The following ZNF343 variants were observed in gnomAD, a reference collection of about 807,000 sequenced individuals.
ZNF343 encodes zinc finger protein 343.
In ZNF343, 11 loss-of-function variants were observed where a neutral mutation model predicts 13.8. The observed-to-expected ratio is 0.80, with a 90% CI of 0.50 to 1.32. ZNF343 has a LOEUF of 1.32. ZNF343 is among the 40% of genes most tolerant of loss of function. The probability of loss-of-function intolerance (pLI) is 0.00; values close to 1 mark genes in which losing one functional copy is unlikely to be tolerated. For missense variants in ZNF343, 658 were observed against 714.2 expected, an observed-to-expected ratio of 0.92 and a Z score of 0.90; for synonymous variants, 248 against 260.0, an observed-to-expected ratio of 0.95 and a Z score of 0.44.
At chr20:2,523,677 C>CTTTTTTTT (rs3051730) in intron 1 of ZNF343, among the ~76,000 whole-genome samples, 6 of 102,794 alleles carry the variant, frequency 5.8e-5, no homozygotes, top group African/African-American at 1.9e-4. Flanking sequence ...GCTATGTGTA[C>CTTTTTTTT]TTTTTTTTTT....
intron 5 of ZNF343, among the ~76,000 whole-genome samples, chr20:2,489,798 C>G (rs1164058991): frequency 6.6e-6 from 1 of 152,058 alleles, no homozygotes; most frequent in Non-Finnish European, 1.5e-5. Flanking sequence ...AGAATTGGCC[C>G]ATTATTTCTA....
In ZNF343 at chr20:2,516,766, A is replaced by T. The variant is rs1183221421; in HGVS notation, c.-347+7689T>A. On this transcript the variant is annotated intron_variant, in intron 1 of 6. Transcript: ENST00000358413. ...AGGTCCAGTGTATGAGGCTTAGGTC[A>T]GGTTTAAGGCAAGGGTTGGGATAAG... Among the ~76,000 whole-genome samples the T allele has an allele frequency of 2.6e-5, 4 of 152,208 alleles. No individual in the cohort carries two copies. In the East Asian group the frequency reaches 5.8e-4, roughly 22 times the overall value.
At chr20:2,489,548 C>T (rs1173296243) in intron 5 of ZNF343, among the ~76,000 whole-genome samples, 1 of 152,172 alleles carries the variant, frequency 6.6e-6, no homozygotes, top group African/African-American at 2.4e-5. Flanking sequence ...GATGTGGTCC[C>T]ATCATTGCTC....
intron 1 of ZNF343, among the ~76,000 whole-genome samples, chr20:2,519,375 G>A (rs759455964): frequency 1.3e-5 from 2 of 152,096 alleles, no homozygotes; most frequent in Admixed American, 6.6e-5. Context: ...CCATGAACCT[G>A]ACCTTCACAC....
At position 2,484,059 on chromosome 20, in the gene ZNF343, TCA is replaced by T. The variant is rs2085236985; in HGVS notation, c.900_901del (p.Ser300ArgfsTer7). ...CTTCTGGCTAAAACCTCGCCCGCAC[TCA>T]CTGCACACATAAGGCTTCTCCATCG... On this transcript the variant is annotated frameshift_variant, in exon 6 of 6. Coordinates refer to ENST00000278772, the MANE Select transcript of ZNF343 (RefSeq NM_024325.6). LOFTEE classifies it low-confidence loss of function (END_TRUNC). 1 of 1,614,118 alleles carries T rather than the reference TCA, an allele frequency of 6.2e-7. No homozygotes were observed. The highest frequency in any genetic ancestry group is 1.7e-5 in the Admixed American group (1 of 60,008).
chr20:2,485,931 G>A (rs562000771), intron 5 of ZNF343, among the ~76,000 whole-genome samples: 3 of 152,262 alleles, frequency 2.0e-5, no homozygotes, highest in South Asian at 2.1e-4. Context: ...CACTCCCTGA[G>A]TCTGTTTGGT....
At chr20:2,494,256 T>C (rs1016217044) in intron 2 of ZNF343, among the ~76,000 whole-genome samples, 1 of 151,976 alleles carries the variant, frequency 6.6e-6, no homozygotes, top group Admixed American at 6.6e-5. Flanking sequence ...CTCCCTTAGC[T>C]CTCAAACTTT....
upstream of ZNF343, among the ~76,000 whole-genome samples, chr20:2,513,710 C>T (rs2085747848): frequency 6.6e-6 from 1 of 152,140 alleles, no homozygotes; most frequent in African/African-American, 2.4e-5. Context: ...TTCAGAATAG[C>T]TGAAAGGTGG....
chr20:2,491,325 AAAT>A (rs2085362365), intron 5 of ZNF343, among the ~76,000 whole-genome samples: 2 of 152,218 alleles, frequency 1.3e-5, no homozygotes, highest in African/African-American at 4.8e-5. Flanking sequence ...TTTCATGTTA[AAAT>A]GATATTTTAA....
rs749730818 is a variant in ZNF343, at chr20:2,484,388, C to T, written c.573G>A (p.Arg191=). 1.2e-6 allele frequency: 2 copies of T among 1,614,182 alleles called. No individual in the cohort carries two copies. The highest frequency in any genetic ancestry group is 1.1e-5 in the South Asian group (1 of 91,088). ...GTCTTTGGAGTGGGCTGGGGAATGC[C>T]CTTGAGGTTTCTCTCTCCTCTGTCC... ...SARTEERETS[R]AFPSPLQRQS... is the part of the protein sequence containing the mutation. The change falls in exon 6 of 6, where the codon AGG becomes AGA. Residue 191 remains arginine (R), a synonymous_variant. Transcript: ENST00000278772.
In ZNF343 at chr20:2,514,799, T is replaced by G. The variant is rs190018502; in HGVS notation, c.-347+9656A>C. ...GAGTTGAAGACCAGCCTGGCTAATA[T>G]GGCGAAACCCCATCTCTACTAAGAA... On this transcript the variant is annotated intron_variant, in intron 1 of 6. Coordinates refer to the ZNF343 transcript ENST00000358413. 7.3e-4 allele frequency among the ~76,000 whole-genome samples: 111 copies of G among 152,200 alleles called. 1 individual carries two copies. Among genetic ancestry groups the G allele is most frequent in the African/African-American group, 2.5e-3 (104 of 41,524 alleles).
chr20:2,514,425 G>A (rs950045293), intron 1 of ZNF343, among the ~76,000 whole-genome samples: 11 of 152,148 alleles, frequency 7.2e-5, no homozygotes, highest in African/African-American at 2.7e-4. Context: ...GGATTCAAAA[G>A]TACTTAAGAT....
intron 2 of ZNF343, among the ~76,000 whole-genome samples, chr20:2,498,634 T>A (rs1176488826): frequency 6.6e-6 from 1 of 152,188 alleles, no homozygotes; most frequent in Non-Finnish European, 1.5e-5. Flanking sequence ...ATATTAACAA[T>A]CCCAGTCCAT....
intron 1 of ZNF343, among the ~76,000 whole-genome samples, chr20:2,516,441 G>A (rs959061452): frequency 6.6e-6 from 1 of 152,134 alleles, no homozygotes; most frequent in African/African-American, 2.4e-5. Flanking sequence ...TTTAGGATCA[G>A]AGTAGGTCCC....
rs757482957 is a variant in ZNF343 at position 2,484,284 on chromosome 20, A to G, written c.677T>C (p.Leu226Pro). 1.9e-6 allele frequency: 3 copies of G among 1,614,098 alleles called. No homozygotes were observed. The African/African-American group carries it at 4.0e-5, about 22-fold the overall frequency. ...TTCTAATTCCTTCAAGCCTTTGTCT[A>G]GCTGCACAGGGTTTGGTCTTTGGGC... ...SSAQRPNPVQ[L>P]DKGLKELETL... The change falls in exon 6 of 6, where the codon CTA becomes CCA. Residue 226 changes from leucine to proline, a missense_variant. Physicochemically the swap from Leu to Pro is moderately conservative, Grantham distance 98 (BLOSUM62 -3). Transcript: ENST00000278772.
rs191990180 is a variant in ZNF343 at position 2,489,327 on chromosome 20, G to A, written c.304+3372C>T. ...TTCCTCCTTGACCTATCAGCCCTAC[G>A]AACACTTATTTCTCAGATTCAACCT... On this transcript the variant is annotated intron_variant, in intron 5 of 5. Transcript: ENST00000278772. 7.9e-5 allele frequency among the ~76,000 whole-genome samples: 12 copies of A among 152,234 alleles called. 1 individual carries two copies. The East Asian group carries it at 1.5e-3, about 20-fold the overall frequency.
rs2085699382 is a variant in ZNF343, at chr20:2,508,259, C to G, written c.-237+622G>C. The stretch of plus-strand genomic sequence containing the variant: ...AGGCCCTCTCAGGATATTTTGACCA[C>G]GTCAAGCTCACCTCCACTTCCAACC... On this transcript the variant is annotated intron_variant, in intron 1 of 5. Transcript: ENST00000278772. The surrounding 1 kb of genome is among the most constrained non-coding windows in gnomAD (Gnocchi z 4.5). Among the ~76,000 whole-genome samples, 2 of 152,084 alleles carry G rather than the reference C, an allele frequency of 1.3e-5. No individual in the cohort carries two copies. The highest frequency in any genetic ancestry group is 2.1e-4 in the South Asian group (1 of 4,820).
In ZNF343 at chr20:2,497,028, C is replaced by T. The variant is rs538499718; in HGVS notation, c.-149-2984G>A. ...CCGGGAGACAGAGGTTGCGGTGAGC[C>T]GAGATCGCACCACTGCACTCCAGCC... On this transcript the variant is annotated intron_variant, in intron 2 of 5. Coordinates refer to ENST00000278772, the MANE Select transcript of ZNF343 (RefSeq NM_024325.6). 3.3e-5 allele frequency among the ~76,000 whole-genome samples: 5 copies of T among 152,056 alleles called. No individual in the cohort carries two copies. The South Asian group carries it at 8.3e-4, about 25-fold the overall frequency.
Position 2,482,820 on chromosome 20 carries a change from A to G in ZNF343, c.*341T>C, listed in dbSNP as rs1003019171. The G allele has an allele frequency of 1.8e-5, 5 of 272,236 alleles. No homozygotes were observed. Among genetic ancestry groups the G allele is most frequent in the Non-Finnish European group, 3.5e-5 (5 of 143,748 alleles). 16.9% of individuals were successfully genotyped at this position (272,236 alleles called of 1,614,324 possible). ...ACTGATGCTCCCCAACACTCCCCAG[A>G]CAAGGGTGCTTTCCCCTGAGGCTGT... On this transcript the variant is annotated 3_prime_UTR_variant, in exon 6 of 6. Transcript: ENST00000278772.
Sources: gnomAD v4.1 joint callset for allele counts (sites outside exome capture counted in the v4.1 genomes callset) on GRCh38, gnomAD v4.1.1 for gene constraint, Gnocchi (gnomAD v3.1) non-coding constraint, MANE v1.5 for transcripts, NCBI Gene and HGNC (gene_info 2026-07-23, HGNC 2026-07-21) for gene names.